The following ECHDC2 variants were observed in gnomAD, a reference collection of about 807,000 sequenced individuals.
ECHDC2 encodes the protein enoyl-CoA hydratase domain-containing protein 2, mitochondrial.
A neutral mutation model predicts 40.6 loss-of-function variants in ECHDC2; 34 were observed. The observed-to-expected ratio is 0.84, with a 90% confidence interval of 0.64 to 1.11. The LOEUF is 1.11. ECHDC2 is among the 50% of genes most tolerant of loss of function. ECHDC2 has a pLI of 0.00. For missense variants in ECHDC2, 392 were observed against 400.7 expected (o/e 0.98, Z 0.19); for synonymous variants, 162 against 166.6 (o/e 0.97, Z 0.21).
At position 52,921,151 on chromosome 1, in the gene ECHDC2, C is replaced by T. The variant is rs142648250; in HGVS notation, c.121+402G>A. On this transcript the variant is annotated intron_variant, in intron 1 of 9. Coordinates refer to ENST00000371522, the MANE Select transcript of ECHDC2 (RefSeq NM_001198961.2). ...GGCACCCTCCTCACTCTGCCCGCTGCCGCACTGGGCACTGGGACTGGCTCC... is the reference window on the plus strand; with the variant it reads ...GGCACCCTCCTCACTCTGCCCGCTGTCGCACTGGGCACTGGGACTGGCTCC... 2.3e-4 allele frequency among the ~76,000 whole-genome samples: 35 copies of T among 152,354 alleles called. No individual in the cohort carries two copies. In the East Asian group the frequency reaches 6.7e-3, roughly 29 times the overall value.
intron 9 of ECHDC2, 53 bp from the exon 10 acceptor site, chr1:52,896,650 A>C (rs1646653220): frequency 1.4e-6 from 2 of 1,464,036 alleles, no homozygotes; most frequent in East Asian, 4.5e-5. Context: ...ACAGGCCCAA[A>C]AAGAGTTGCT....
chr1:52,915,093 G>A (rs1325285173), intron 1 of ECHDC2: 1 of 397,444 alleles, frequency 2.5e-6, no homozygotes, highest in African/African-American at 2.1e-5. Context: ...TAGTCAGGGT[G>A]TGGGGAAGAG....
rs1168094838 is a variant in ECHDC2, at chr1:52,907,919, C to T, written c.313G>A (p.Ala105Thr). The change falls in exon 4 of 10, where the codon GCA becomes ACA. Residue 105 changes from alanine (A) to threonine (T), a missense_variant. Transcript: ENST00000371522. ...DLKEREQMSEAEVGVFVQRLR... is the reference protein window; with the variant it reads ...DLKEREQMSETEVGVFVQRLR... The stretch of plus-strand genomic sequence containing the variant: ...CGCTGGACAAACACCCCCACCTCTG[C>T]TTCACTCATCTGTTCCCGCTCCTTC... 13 of 1,614,118 alleles carry T rather than the reference C, an allele frequency of 8.1e-6. No individual in the cohort carries two copies. Among genetic ancestry groups the T allele is most frequent in the Non-Finnish European group, 1.0e-5 (12 of 1,180,010 alleles).
intron 9 of ECHDC2, 114 bp downstream of exon 9, chr1:52,897,323 G>A (rs975890957): frequency 2.8e-6 from 3 of 1,081,898 alleles, no homozygotes; most frequent in South Asian, 1.3e-5. Flanking sequence ...GATGGATGCG[G>A]TCAGACTGTT....
intron 1 of ECHDC2, among the ~76,000 whole-genome samples, chr1:52,915,495 G>A (rs1003227853): frequency 6.6e-6 from 1 of 152,180 alleles, no homozygotes; most frequent in African/African-American, 2.4e-5. Flanking sequence ...AGAGCTCTTA[G>A]AGCCCAGCAG....
intron 5 of ECHDC2, chr1:52,905,976 T>C: frequency 3.7e-6 from 1 of 267,632 alleles, no homozygotes; most frequent in Non-Finnish European, 7.2e-6. Flanking sequence ...TTTGCCTAAC[T>C]GCATCCAAGA....
chr1:52,911,478 T>A, intron 3 of ECHDC2, 88 bp downstream of exon 3: 2 of 1,295,138 alleles, frequency 1.5e-6, no homozygotes, highest in South Asian at 1.2e-5. Context: ...ATGAGTCCCA[T>A]GCTGAAGCTG....
At chr1:52,913,885 T>G in intron 1 of ECHDC2, 1 of 1,129,096 alleles carries the variant, frequency 8.9e-7, no homozygotes. Context: ...CCCATTCTCC[T>G]TCCTCCTACC....
At position 52,899,168 on chromosome 1, in the gene ECHDC2, T is replaced by A; in HGVS notation, c.753+6A>T. 6.2e-7 allele frequency: 1 copy of A among 1,614,080 alleles called. No individual in the cohort carries two copies. The highest frequency in any genetic ancestry group is 8.5e-7 in the Non-Finnish European group (1 of 1,180,004). On this transcript the variant is annotated splice_donor_region_variant and intron_variant, in intron 8 of 9. Coordinates refer to ENST00000371522, the MANE Select transcript of ECHDC2 (RefSeq NM_001198961.2). Reference sequence around the variant, plus strand: ...GGACCCAAGTCCCAACCCAAAACCCTCTCACCTCCGTTCCTCGGTCAATGG... The same window carrying A: ...GGACCCAAGTCCCAACCCAAAACCCACTCACCTCCGTTCCTCGGTCAATGG...
In ECHDC2 at chr1:52,914,330, A is replaced by C. The variant is rs2150066533; in HGVS notation, c.122-2540T>G. On this transcript the variant is annotated intron_variant, in intron 1 of 9. Transcript: ENST00000371522. This position sits in a 1 kb window ranked among gnomAD's most constrained non-coding sequence, Gnocchi z 4.0. ...CATGTAAGTGTGCATGCATGGGTGC[A>C]TATGTGAGCGTGTGCATGAGTGCCT... Among the ~76,000 whole-genome samples the C allele has an allele frequency of 1.3e-5, 2 of 152,284 alleles. No individual in the cohort carries two copies. Among genetic ancestry groups the C allele is most frequent in the Middle Eastern group, 6.8e-3 (2 of 294 alleles).
chr1:52,914,287 T>G lies in ECHDC2; in HGVS notation c.122-2497A>C, dbSNP rs932130475. 6.6e-6 allele frequency among the ~76,000 whole-genome samples: 1 copy of G among 152,072 alleles called. No individual in the cohort carries two copies. Among genetic ancestry groups the G allele is most frequent in the Non-Finnish European group, 1.5e-5 (1 of 68,014 alleles). On this transcript the variant is annotated intron_variant, in intron 1 of 9. Transcript: ENST00000371522. This position sits in a 1 kb window ranked among gnomAD's most constrained non-coding sequence, Gnocchi z 4.0. The stretch of plus-strand genomic sequence containing the variant: ...GAGTAGGAATTGGCCAGGCAAAAGA[T>G]GTAAGAGTGCATGTGTGCATGTAAG...
At position 52,904,731 on chromosome 1, in the gene ECHDC2, A is replaced by G; in HGVS notation, c.617T>C (p.Leu206Pro). Residue 206 changes from leucine (L) to proline (P), a missense_variant, in exon 7 of 10, where the codon CTG (leucine) becomes CCG (proline). Transcript: ENST00000371522. ...LSGTEAHVLG[L>P]VNHAVAQNEE... ...GTTCTGGGCCACAGCGTGATTCACC[A>G]GCCCCAGTACGTGGGCCTCAGTTCC... The G allele has an allele frequency of 6.2e-7, 1 of 1,612,912 alleles. No homozygotes were observed. Among genetic ancestry groups the G allele is most frequent in the Non-Finnish European group, 8.5e-7 (1 of 1,179,966 alleles).
rs1053415887 is a variant in ECHDC2 at position 52,896,004 on chromosome 1, A to G, written c.*516T>C. ...TGTAGGTGAGGAAGCTGAGGCCCAG[A>G]GCATTTAAACAATTTGTCCACGGTT... is the stretch of plus-strand genomic sequence containing the variant. On this transcript the variant is annotated 3_prime_UTR_variant, in exon 10 of 10. Coordinates refer to ENST00000371522, the MANE Select transcript of ECHDC2 (RefSeq NM_001198961.2). The G allele has an allele frequency of 6.5e-6, 1 of 153,770 alleles. No individual in the cohort carries two copies. The highest frequency in any genetic ancestry group is 2.4e-5 in the African/African-American group (1 of 41,452). The allele number at this position is 153,770 out of a possible 1,614,324, so 9.5% of individuals were successfully genotyped here.
chr1:52,911,677 A>G lies in ECHDC2; in HGVS notation c.190-24T>C, dbSNP rs756529109. 5.6e-6 allele frequency: 9 copies of G among 1,614,208 alleles called. No homozygotes were observed. The South Asian group carries it at 7.7e-5, about 14-fold the overall frequency. On this transcript the variant is annotated intron_variant, in intron 2 of 9. Coordinates refer to ENST00000371522, the MANE Select transcript of ECHDC2 (RefSeq NM_001198961.2). ...AGCTACAGAGGACACCCAGTTAGAT[A>G]GTGCCAGCCCATCCCCAGCCCACCC...
At chr1:52,899,505 C>A (rs895303222) in intron 7 of ECHDC2, 10 of 460,132 alleles carry the variant, frequency 2.2e-5, no homozygotes, top group Middle Eastern at 6.1e-4. Context: ...GTGCTTTCCT[C>A]CCCCACAGAC....
chr1:52,904,007 G>A (rs565405701), intron 7 of ECHDC2, among the ~76,000 whole-genome samples: 15 of 151,938 alleles, frequency 9.9e-5, no homozygotes, highest in South Asian at 8.3e-4. Flanking sequence ...TAGTAGAGAC[G>A]GGGTTTCACC....
At position 52,897,570 on chromosome 1, in the gene ECHDC2, A is replaced by G. The variant is rs540693891; in HGVS notation, c.754-86T>C. 9.7e-4 allele frequency: 1,230 copies of G among 1,270,394 alleles called. 4 individuals are homozygous for G. Among genetic ancestry groups the G allele is most frequent in the Admixed American group, 1.9e-3 (111 of 59,542 alleles). 78.7% of individuals were successfully genotyped at this position (1,270,394 alleles called of 1,614,324 possible). On this transcript the variant is annotated intron_variant, in intron 8 of 9. Coordinates refer to ENST00000371522, the MANE Select transcript of ECHDC2 (RefSeq NM_001198961.2). ...AGCCAGCCCACCCTATTGCCTACAG[A>G]CATCTATATGAGCAGAGATAGCTAT...
chr1:52,910,298 T>G (rs1649060008), intron 3 of ECHDC2, among the ~76,000 whole-genome samples: 1 of 145,782 alleles, frequency 6.9e-6, no homozygotes, highest in Admixed American at 7.1e-5. Flanking sequence ...AATTGTACAC[T>G]TAAAAATGGT....
rs148481850 is a variant in ECHDC2, at chr1:52,912,499, C to T, written c.122-709G>A. Among the ~76,000 whole-genome samples the T allele has an allele frequency of 3.3e-5, 5 of 151,916 alleles. 1 individual carries two copies. The highest frequency in any genetic ancestry group is 1.9e-4 in the East Asian group (1 of 5,160). ...CTGGGATTACAGGTTTGAGCCACCG[C>T]GGCCTTAATCTTTTCTTCACAGCAG... is the stretch of plus-strand genomic sequence containing the variant. On this transcript the variant is annotated intron_variant, in intron 1 of 9. Transcript: ENST00000371522.
Sources: allele counts gnomAD v4.1 joint callset (sites outside exome capture counted in the v4.1 genomes callset), GRCh38; gene constraint gnomAD v4.1.1; non-coding constraint Gnocchi (gnomAD v3.1); transcripts MANE v1.5; gene names NCBI Gene and HGNC (gene_info 2026-07-23, HGNC 2026-07-21).